Variants in ENTHD1 observed in about 807,000 individuals in gnomAD.
ENTHD1 encodes ENTH domain containing 1, also known as ENTH domain-containing protein 1.
In ENTHD1, 23 loss-of-function variants were observed where a neutral mutation model predicts 39.1. The ratio of observed to expected loss-of-function variants is 0.59; its 90% CI spans 0.42 to 0.83. ENTHD1 has a LOEUF of 0.83. Ranked by LOEUF, ENTHD1 falls within the 40% of genes least tolerant of loss-of-function variation. The pLI, the probability that ENTHD1 is intolerant of heterozygous loss-of-function variation, is 0.00. For missense variants in ENTHD1, 624 were observed against 705.4 expected, an observed-to-expected ratio of 0.88 and a Z score of 1.31; for synonymous variants, 230 against 258.2, an observed-to-expected ratio of 0.89 and a Z score of 1.05.
chr22:39,771,401 C>T (rs2065322870), intron 5 of ENTHD1, among the ~76,000 whole-genome samples: 1 of 152,080 alleles, frequency 6.6e-6, no homozygotes, highest in South Asian at 2.1e-4. Context: ...AAACCACAGT[C>T]TTAACTGGCC....
intron 5 of ENTHD1, among the ~76,000 whole-genome samples, chr22:39,809,416 G>A (rs2065668612): frequency 6.6e-6 from 1 of 152,186 alleles, no homozygotes; most frequent in African/African-American, 2.4e-5. Flanking sequence ...GTGGGAAGGT[G>A]TTGATTTTGA....
Position 39,883,966 on chromosome 22 carries a change from A to T in ENTHD1, c.349+3434T>A, listed in dbSNP as rs564954327. 2.0e-5 allele frequency among the ~76,000 whole-genome samples: 3 copies of T among 152,222 alleles called. No individual in the cohort carries two copies. The East Asian group carries it at 5.8e-4, about 29-fold the overall frequency. ...GAACTTCTGAAATTAATTGGAAAAT[A>T]ATCTTTAAAATGAAAAAAACTTAAG... On this transcript the variant is annotated intron_variant, in intron 2 of 6. Coordinates refer to ENST00000325157, the MANE Select transcript of ENTHD1 (RefSeq NM_152512.4).
chr22:39,827,262 G>A (rs111901143), intron 4 of ENTHD1, among the ~76,000 whole-genome samples: 38 of 152,190 alleles, frequency 2.5e-4, no homozygotes, highest in African/African-American at 7.9e-4. Flanking sequence ...TGATCCACCC[G>A]CCTCAGCCTC....
intron 2 of ENTHD1, among the ~76,000 whole-genome samples, chr22:39,883,800 G>A (rs1157535932): frequency 6.8e-6 from 1 of 146,154 alleles, no homozygotes; most frequent in East Asian, 2.0e-4. Context: ...GCTTGCAGTG[G>A]CTGAGATCAT....
chr22:39,760,945 A>G (rs1374232005), intron 6 of ENTHD1, among the ~76,000 whole-genome samples: 1 of 152,102 alleles, frequency 6.6e-6, no homozygotes, highest in Non-Finnish European at 1.5e-5. Flanking sequence ...AAACCCCAAA[A>G]TACAGTATTA....
chr22:39,840,675 G>A (rs554858708), intron 3 of ENTHD1, among the ~76,000 whole-genome samples: 104 of 152,264 alleles, frequency 6.8e-4, no homozygotes, highest in African/African-American at 2.5e-3. Flanking sequence ...GTCTCATGGT[G>A]CTTAAATTTA....
intron 4 of ENTHD1, among the ~76,000 whole-genome samples, chr22:39,824,611 AG>A (rs1165393620): frequency 1.3e-5 from 2 of 152,206 alleles, no homozygotes; most frequent in African/African-American, 4.8e-5. Context: ...TACAAGGTTT[AG>A]GTTGAGATTC....
chr22:39,853,788 TG>T (rs1395481744), intron 3 of ENTHD1, among the ~76,000 whole-genome samples: 7 of 152,154 alleles, frequency 4.6e-5, no homozygotes, highest in African/African-American at 1.7e-4. Flanking sequence ...TTGGCCGGGC[TG>T]GTCTTGAACT....
chr22:39,783,447 G>C (rs1601591427), intron 5 of ENTHD1, among the ~76,000 whole-genome samples: 1 of 151,916 alleles, frequency 6.6e-6, no homozygotes, highest in African/African-American at 2.4e-5. Flanking sequence ...AGCCAAAGAA[G>C]TCCTGAGAAA....
At chr22:39,764,442 G>A (rs1312146273) in intron 6 of ENTHD1, among the ~76,000 whole-genome samples, 1 of 152,078 alleles carries the variant, frequency 6.6e-6, no homozygotes, top group Non-Finnish European at 1.5e-5. Flanking sequence ...TGCACTGATT[G>A]CAACAGAACA....
chr22:39,886,295 T>C (rs1216214075), intron 2 of ENTHD1, among the ~76,000 whole-genome samples: 1 of 152,182 alleles, frequency 6.6e-6, no homozygotes, highest in African/African-American at 2.4e-5. Flanking sequence ...ACAGGACATA[T>C]CTACTCTGTA....
In ENTHD1 at chr22:39,743,436, T is replaced by C. The variant is rs2065074714; in HGVS notation, c.*243A>G. 7.1e-6 allele frequency: 3 copies of C among 420,382 alleles called. No individual in the cohort carries two copies. The South Asian group carries it at 1.3e-4, about 18-fold the overall frequency. The allele number at this position is 420,382 out of a possible 1,614,324, so 26.0% of individuals were successfully genotyped here. On this transcript the variant is annotated 3_prime_UTR_variant, in exon 7 of 7. Coordinates refer to ENST00000325157, the MANE Select transcript of ENTHD1 (RefSeq NM_152512.4). ...GGTACAGAGCATGAAAGAATGAAAT[T>C]CTCTTCTGTTTCAAATGAACTAATA...
chr22:39,784,543 TACACACACACACACACACACACACAC>T (rs3044403), intron 5 of ENTHD1, among the ~76,000 whole-genome samples: 2 of 142,256 alleles, frequency 1.4e-5, no homozygotes, highest in African/African-American at 2.6e-5. Context: ...TCTCTCTGTA[TACACACACACACACACACACACACAC>T]ACACACACAC....
chr22:39,771,746 AT>A (rs1382755304), intron 5 of ENTHD1, among the ~76,000 whole-genome samples: 4 of 152,148 alleles, frequency 2.6e-5, no homozygotes, highest in Non-Finnish European at 5.9e-5. Context: ...CAGCAACAAT[AT>A]TCTTCAAAAT....
At chr22:39,831,621 T>C (rs1172606983) in intron 4 of ENTHD1, among the ~76,000 whole-genome samples, 10 of 152,014 alleles carry the variant, frequency 6.6e-5, no homozygotes, top group Admixed American at 6.5e-4. Context: ...GGTCAGGAGT[T>C]CAAGACCAGC....
In ENTHD1 at chr22:39,887,752, T is replaced by A. The variant is rs2066392472; in HGVS notation, c.-4A>T. 6.5e-7 allele frequency: 1 copy of A among 1,540,864 alleles called. No individual in the cohort carries two copies. The highest frequency in any genetic ancestry group is 8.7e-7 in the Non-Finnish European group (1 of 1,145,490). On this transcript the variant is annotated 5_prime_UTR_variant, in exon 2 of 7. Coordinates refer to ENST00000325157, the MANE Select transcript of ENTHD1 (RefSeq NM_152512.4). ...TCACTTGTCTCCTGAACGCCATAAG[T>A]AATACAAGTTCCAAGGTGAGATGGA...
At chr22:39,844,838 A>G (rs1348271707) in intron 3 of ENTHD1, among the ~76,000 whole-genome samples, 1 of 152,170 alleles carries the variant, frequency 6.6e-6, no homozygotes, top group Non-Finnish European at 1.5e-5. Flanking sequence ...AATGGGTGTA[A>G]CAGAGTAAAT....
intron 4 of ENTHD1, among the ~76,000 whole-genome samples, chr22:39,832,365 C>A (rs2065875682): frequency 6.6e-6 from 1 of 151,890 alleles, no homozygotes; most frequent in Non-Finnish European, 1.5e-5. Context: ...TAAGTGGGCA[C>A]CTACGAAAGG....
At chr22:39,875,103 T>C (rs1309593215) in intron 2 of ENTHD1, among the ~76,000 whole-genome samples, 1 of 152,228 alleles carries the variant, frequency 6.6e-6, no homozygotes, top group Non-Finnish European at 1.5e-5. Context: ...ATGGATAAAC[T>C]GTGGTATGCA....
Sources: allele counts gnomAD v4.1 joint callset (sites outside exome capture counted in the v4.1 genomes callset), GRCh38; gene constraint gnomAD v4.1.1; transcripts MANE v1.5; gene names NCBI Gene and HGNC (gene_info 2026-07-23, HGNC 2026-07-21).